The following ULK4 variants were observed in gnomAD, a reference collection of about 807,000 sequenced individuals.
The protein encoded by ULK4 is inactive serine/threonine-protein kinase ULK4.
In ULK4, 133 loss-of-function variants were observed where a neutral mutation model predicts 160.6. The observed-to-expected ratio is 0.83, with a 90% CI of 0.72 to 0.96. ULK4 has a LOEUF of 0.96. ULK4 is among the 40% of genes least tolerant of loss of function. The pLI is 0.00. For synonymous variants in ULK4, 534 were observed against 539.8 expected (o/e 0.99, Z 0.15); for missense variants, 1,580 against 1,499.5 (o/e 1.05, Z -0.89).
intron 33 of ULK4, 65 bp from the exon 34 acceptor site, chr3:41,455,660 A>G: frequency 1.4e-6 from 2 of 1,478,232 alleles, no homozygotes; most frequent in Middle Eastern, 1.7e-4. Flanking sequence ...CAAAGGAAAC[A>G]GGACCACTCC....
chr3:41,690,300 G>C (rs2036251151), intron 27 of ULK4, among the ~76,000 whole-genome samples: 1 of 151,488 alleles, frequency 6.6e-6, no homozygotes, highest in South Asian at 2.1e-4. Context: ...GTGGGGTAGG[G>C]GGAGTGGGGA....
At chr3:41,751,198 T>G in intron 22 of ULK4, among the ~76,000 whole-genome samples, 1 of 152,150 alleles carries the variant, frequency 6.6e-6, no homozygotes, top group East Asian at 1.9e-4. Flanking sequence ...AAGAGGGAGC[T>G]GTTCTCTTCA....
chr3:41,570,838 G>C (rs747798555), intron 31 of ULK4, among the ~76,000 whole-genome samples: 1 of 152,186 alleles, frequency 6.6e-6, no homozygotes, highest in East Asian at 1.9e-4. Flanking sequence ...CCCCTGCCTG[G>C]AGATCCCAGA....
chr3:41,423,678 T>C (rs912288509), intron 34 of ULK4, among the ~76,000 whole-genome samples: 18 of 149,894 alleles, frequency 1.2e-4, no homozygotes, highest in Admixed American at 8.1e-4. Flanking sequence ...AACTGAGGTA[T>C]AGAGGTTCTC....
chr3:41,350,932 G>A (rs2080896681), intron 35 of ULK4, among the ~76,000 whole-genome samples: 1 of 152,166 alleles, frequency 6.6e-6, no homozygotes, highest in Non-Finnish European at 1.5e-5. Flanking sequence ...AGTAAAGGAT[G>A]TCTCAGAAGC....
At chr3:41,753,574 C>T (rs1225804603) in intron 22 of ULK4, among the ~76,000 whole-genome samples, 2 of 152,160 alleles carry the variant, frequency 1.3e-5, no homozygotes, top group East Asian at 3.9e-4. Flanking sequence ...AGTTACAAGC[C>T]GGGAGAAAGA....
intron 30 of ULK4, among the ~76,000 whole-genome samples, chr3:41,647,376 G>T (rs2125731989): frequency 6.6e-6 from 1 of 152,240 alleles, no homozygotes; most frequent in African/African-American, 2.4e-5. Context: ...TTTTTGGTGT[G>T]GATGTCCTTC....
chr3:41,653,322 G>C lies in ULK4; in HGVS notation c.3071+10285C>G, dbSNP rs2034814960. On this transcript the variant is annotated intron_variant, in intron 30 of 36. Transcript: ENST00000301831. ...TAAGCCTGCTTACCCTGTCTTGCCT[G>C]TTCCTTCCCATGAAAACCACAGTAA... 3.3e-5 allele frequency among the ~76,000 whole-genome samples: 5 copies of C among 152,256 alleles called. No homozygotes were observed. The South Asian group carries it at 1.0e-3, about 32-fold the overall frequency.
At chr3:41,725,020 T>C (rs1158354196) in intron 22 of ULK4, among the ~76,000 whole-genome samples, 1 of 152,202 alleles carries the variant, frequency 6.6e-6, no homozygotes, top group African/African-American at 2.4e-5. Flanking sequence ...AGACCACTGT[T>C]GATTATATAT....
intron 31 of ULK4, among the ~76,000 whole-genome samples, chr3:41,578,990 G>T (rs1277280528): frequency 6.6e-6 from 1 of 152,106 alleles, no homozygotes; most frequent in East Asian, 1.9e-4. Context: ...TCTATTCTGG[G>T]ACAAATACTT....
intron 2 of ULK4, among the ~76,000 whole-genome samples, chr3:41,952,138 G>A (rs1700312712): frequency 6.6e-6 from 1 of 152,022 alleles, no homozygotes; most frequent in Non-Finnish European, 1.5e-5. Context: ...ACTGGGCTTG[G>A]CAATGATTTT....
chr3:41,848,463 T>C (rs1355232944), intron 17 of ULK4, among the ~76,000 whole-genome samples: 3 of 152,220 alleles, frequency 2.0e-5, no homozygotes, highest in African/African-American at 7.2e-5. Flanking sequence ...TTTCCTGCAC[T>C]GTGCCTGGTC....
intron 34 of ULK4, among the ~76,000 whole-genome samples, chr3:41,416,453 C>T (rs181679614): frequency 1.7e-4 from 26 of 152,268 alleles, no homozygotes; most frequent in Admixed American, 1.7e-3. Flanking sequence ...ATGACGCCGT[C>T]ATGTAACAAA....
In ULK4 at chr3:41,912,788, A is replaced by G. The variant is rs768443568; in HGVS notation, c.896+19T>C. 4 of 1,600,110 alleles carry G rather than the reference A, an allele frequency of 2.5e-6. No homozygotes were observed. The South Asian group carries it at 3.3e-5, about 13-fold the overall frequency. On this transcript the variant is annotated intron_variant, in intron 9 of 36. Transcript: ENST00000301831. ...TGTCCAGTAACTATGTCCCATACAC[A>G]AAGGTAAGTGTATACTACCTGAGAC...
At chr3:41,557,268 C>G (rs1372340174) in intron 32 of ULK4, among the ~76,000 whole-genome samples, 2 of 151,746 alleles carry the variant, frequency 1.3e-5, no homozygotes, top group Non-Finnish European at 1.5e-5. Flanking sequence ...AGACATCTAC[C>G]CCACTCTATT....
chr3:41,517,195 C>T (rs1319139341), intron 32 of ULK4, among the ~76,000 whole-genome samples: 1 of 148,332 alleles, frequency 6.7e-6, no homozygotes, highest in Non-Finnish European at 1.5e-5. Context: ...ATCAGAATGA[C>T]TAAAATCCAA....
At chr3:41,400,411 C>A (rs191267990) in intron 34 of ULK4, among the ~76,000 whole-genome samples, 296 of 152,246 alleles carry the variant, frequency 1.9e-3, no homozygotes, top group Non-Finnish European at 2.9e-3. Flanking sequence ...GCCATTTTGT[C>A]ATTTCAAGTA....
intron 35 of ULK4, among the ~76,000 whole-genome samples, chr3:41,315,197 G>T (rs2080123619): frequency 6.6e-6 from 1 of 152,078 alleles, no homozygotes; most frequent in South Asian, 2.1e-4. Flanking sequence ...AATCTGCTGG[G>T]ATATATTATT....
intron 5 of ULK4, among the ~76,000 whole-genome samples, chr3:41,921,247 G>A (rs1379282034): frequency 1.3e-5 from 2 of 152,212 alleles, no homozygotes; most frequent in East Asian, 3.9e-4. Context: ...AGTAGGCGAA[G>A]GCTGCAGTGA....
Sources: allele counts gnomAD v4.1 joint callset (sites outside exome capture counted in the v4.1 genomes callset), GRCh38; gene constraint gnomAD v4.1.1; transcripts MANE v1.5; gene names NCBI Gene and HGNC (gene_info 2026-07-23, HGNC 2026-07-21).